SGCZ: variants seen among roughly 807,000 people sequenced by gnomAD.
The protein encoded by SGCZ is sarcoglycan zeta, also known as zeta-sarcoglycan.
Under a neutral mutation model 41.3 loss-of-function variants are expected in SGCZ, and 40 were observed. The observed-to-expected ratio is 0.97, with a 90% CI of 0.75 to 1.26. SGCZ has a LOEUF of 1.26. Among genes scored for constraint, SGCZ ranks in the 50% most tolerant of loss-of-function variants. SGCZ has a pLI of 0.00. For synonymous variants in SGCZ, 206 were observed against 137.5 expected, an observed-to-expected ratio of 1.50 and a Z score of -3.49; for missense variants, 552 against 369.8, an observed-to-expected ratio of 1.49 and a Z score of -4.04.
At chr8:14,436,320 A>G (rs1800090321) in intron 2 of SGCZ, among the ~76,000 whole-genome samples, 1 of 152,200 alleles carries the variant, frequency 6.6e-6, no homozygotes, top group African/African-American at 2.4e-5. Flanking sequence ...TATTCAGCGC[A>G]TATTAAAAGT....
At chr8:14,496,485 C>G (rs543786144) in intron 2 of SGCZ, among the ~76,000 whole-genome samples, 4 of 152,266 alleles carry the variant, frequency 2.6e-5, no homozygotes, top group African/African-American at 9.6e-5. Context: ...TTTGGTGCAT[C>G]TTACTACCTC....
intron 3 of SGCZ, among the ~76,000 whole-genome samples, chr8:14,277,600 T>C (rs932087684): frequency 6.6e-6 from 1 of 152,148 alleles, no homozygotes; most frequent in East Asian, 1.9e-4. Context: ...GCTAGTAAGA[T>C]AGTGGTAAGA....
At chr8:15,208,640 A>G (rs1023532881) in intron 1 of SGCZ, among the ~76,000 whole-genome samples, 1 of 152,152 alleles carries the variant, frequency 6.6e-6, no homozygotes, top group African/African-American at 2.4e-5. Context: ...TTAGTATCTT[A>G]TATTAGCAAT....
At chr8:15,147,237 C>A (rs1055155245) in intron 1 of SGCZ, among the ~76,000 whole-genome samples, 3 of 152,130 alleles carry the variant, frequency 2.0e-5, no homozygotes, top group Admixed American at 6.6e-5. Flanking sequence ...ACTCCCCAAC[C>A]TACCCCATCC....
chr8:14,575,115 A>G (rs1172080678), intron 1 of SGCZ, among the ~76,000 whole-genome samples: 2 of 152,220 alleles, frequency 1.3e-5, no homozygotes, highest in Non-Finnish European at 2.9e-5. Context: ...TCAAAATGAA[A>G]ATAAATTTGT....
intron 1 of SGCZ, among the ~76,000 whole-genome samples, chr8:14,981,652 G>A (rs184399707): frequency 6.8e-4 from 103 of 152,228 alleles, no homozygotes; most frequent in Non-Finnish European, 1.1e-3. Context: ...ACATGATGGT[G>A]TCAACTCACC....
At chr8:14,567,467 G>C (rs533909628) in intron 1 of SGCZ, among the ~76,000 whole-genome samples, 1 of 152,160 alleles carries the variant, frequency 6.6e-6, no homozygotes, top group Non-Finnish European at 1.5e-5. Context: ...CTCAGGGATT[G>C]TAAACGCACC....
intron 1 of SGCZ, among the ~76,000 whole-genome samples, chr8:14,939,146 C>A (rs1800181942): frequency 6.6e-6 from 1 of 152,098 alleles, no homozygotes; most frequent in Non-Finnish European, 1.5e-5. Context: ...CTATTTCAAT[C>A]TTGGATGTGC....
intron 1 of SGCZ, among the ~76,000 whole-genome samples, chr8:14,918,952 G>A (rs1298340850): frequency 6.6e-6 from 1 of 152,198 alleles, no homozygotes; most frequent in African/African-American, 2.4e-5. Flanking sequence ...CATAGACCCT[G>A]AAGGAAGACT....
intron 1 of SGCZ, among the ~76,000 whole-genome samples, chr8:15,104,785 G>T (rs1806757065): frequency 6.6e-6 from 1 of 151,976 alleles, no homozygotes; most frequent in South Asian, 2.1e-4. Context: ...TCCATATTAT[G>T]GATGTATCAT....
intron 1 of SGCZ, among the ~76,000 whole-genome samples, chr8:15,163,787 G>C (rs73531493): frequency 0.019 from 2,886 of 152,262 alleles, 83 homozygotes; most frequent in African/African-American, 0.065. Flanking sequence ...ACAAGCAAAG[G>C]TTTAGATAAA....
chr8:14,419,436 T>C (rs566597808), intron 2 of SGCZ, among the ~76,000 whole-genome samples: 1 of 152,026 alleles, frequency 6.6e-6, no homozygotes, highest in South Asian at 2.1e-4. Context: ...CTATGAGATT[T>C]TTTGTCTCAT....
At chr8:14,459,693 C>G (rs1206671862) in intron 2 of SGCZ, among the ~76,000 whole-genome samples, 1 of 152,080 alleles carries the variant, frequency 6.6e-6, no homozygotes, top group Non-Finnish European at 1.5e-5. Context: ...TGCTTAACAA[C>G]ACTAGTAATA....
At chr8:14,094,026 T>G (rs182230202) in intron 7 of SGCZ, among the ~76,000 whole-genome samples, 1 of 152,160 alleles carries the variant, frequency 6.6e-6, no homozygotes, top group African/African-American at 2.4e-5. Context: ...TTCTTCACCT[T>G]GAACACATCT....
At chr8:14,591,298 A>G (rs114338467) in intron 1 of SGCZ, among the ~76,000 whole-genome samples, 3 of 151,958 alleles carry the variant, frequency 2.0e-5, no homozygotes, top group South Asian at 4.1e-4. Context: ...GAAATTAAAT[A>G]TTATGTTTTA....
At chr8:14,831,997 T>C (rs1802549951) in intron 1 of SGCZ, among the ~76,000 whole-genome samples, 1 of 152,104 alleles carries the variant, frequency 6.6e-6, no homozygotes, top group Non-Finnish European at 1.5e-5. Context: ...TTGAGGCATA[T>C]AGATAAATAG....
intron 4 of SGCZ, among the ~76,000 whole-genome samples, chr8:14,175,346 G>A (rs1006725637): frequency 6.6e-6 from 1 of 152,010 alleles, no homozygotes; most frequent in African/African-American, 2.4e-5. Flanking sequence ...ACATGGGAAG[G>A]AATTCTTTTT....
intron 4 of SGCZ, among the ~76,000 whole-genome samples, chr8:14,203,121 T>C (rs530971923): frequency 2.0e-5 from 3 of 152,318 alleles, no homozygotes; most frequent in South Asian, 4.1e-4. Context: ...CATGTGGAAC[T>C]GTAAGCCCAA....
intron 7 of SGCZ, among the ~76,000 whole-genome samples, chr8:14,092,055 C>T (rs1164865209): frequency 6.6e-6 from 1 of 152,202 alleles, no homozygotes; most frequent in Non-Finnish European, 1.5e-5. Flanking sequence ...GTTTTCCCAA[C>T]ACCATTTATT....
Sources: allele counts gnomAD v4.1 joint callset (sites outside exome capture counted in the v4.1 genomes callset), GRCh38; gene constraint gnomAD v4.1.1; transcripts MANE v1.5; gene names NCBI Gene and HGNC (gene_info 2026-07-23, HGNC 2026-07-21).